Variants in CDIN1 observed in about 807,000 individuals in gnomAD.
CDIN1 encodes CDAN1 interacting nuclease 1.
Under a neutral mutation model 45.3 loss-of-function variants are expected in CDIN1, and 33 were observed. The observed-to-expected ratio is 0.73, with a 90% CI of 0.55 to 0.97. The LOEUF (loss-of-function observed/expected upper bound fraction) is 0.97. CDIN1 is among the 50% of genes least tolerant of loss of function. The pLI is 0.00. For missense variants in CDIN1, 303 were observed against 339.4 expected (o/e 0.89, Z 0.84); for synonymous variants, 118 against 124.4 (o/e 0.95, Z 0.34).
At chr15:36,695,456 A>G (rs967954824) in intron 7 of CDIN1, among the ~76,000 whole-genome samples, 6 of 152,096 alleles carry the variant, frequency 3.9e-5, no homozygotes, top group Admixed American at 1.3e-4. Context: ...AATACACAGC[A>G]CTTCCATGTT....
At chr15:36,721,890 A>C (rs898410158) in intron 10 of CDIN1, among the ~76,000 whole-genome samples, 2 of 151,640 alleles carry the variant, frequency 1.3e-5, no homozygotes, top group African/African-American at 4.8e-5. Context: ...ACAATTCCTC[A>C]ACTCAGGGAG....
intron 1 of CDIN1, among the ~76,000 whole-genome samples, chr15:36,640,146 T>G (rs567913270): frequency 2.0e-5 from 3 of 152,290 alleles, no homozygotes; most frequent in South Asian, 4.1e-4. Context: ...TGTAGTAGTA[T>G]TATATCAAAG....
intron 8 of CDIN1, among the ~76,000 whole-genome samples, chr15:36,701,024 C>A (rs1267240790): frequency 6.6e-6 from 1 of 151,918 alleles, no homozygotes; most frequent in Non-Finnish European, 1.5e-5. Flanking sequence ...GAACTGTGGT[C>A]ATTCCACTGC....
chr15:36,788,687 A>G (rs1185497789), intron 10 of CDIN1, among the ~76,000 whole-genome samples: 1 of 138,762 alleles, frequency 7.2e-6, no homozygotes, highest in Non-Finnish European at 1.6e-5. Context: ...CTTAGCAATT[A>G]TATCAAATTT....
At position 36,736,067 on chromosome 15, in the gene CDIN1, T is replaced by C. The variant is rs559490056; in HGVS notation, c.716+26106T>C. On this transcript the variant is annotated intron_variant, in intron 10 of 10. Transcript: ENST00000566621. Reference sequence around the variant, plus strand: ...TAACTTTTCTAAGAAAACAATTTTATTTGGTTACTCCTAAACAGTTTCTAT... The same window carrying C: ...TAACTTTTCTAAGAAAACAATTTTACTTGGTTACTCCTAAACAGTTTCTAT... Among the ~76,000 whole-genome samples, 182 of 152,320 alleles carry C rather than the reference T, an allele frequency of 1.2e-3. 2 individuals are homozygous for C. The highest frequency in any genetic ancestry group is 4.0e-3 in the African/African-American group (168 of 41,582).
At chr15:36,806,287 C>T (rs897899315) in intron 10 of CDIN1, among the ~76,000 whole-genome samples, 4 of 152,282 alleles carry the variant, frequency 2.6e-5, no homozygotes, top group South Asian at 2.1e-4. Context: ...ATGCCATTTT[C>T]GTAAAGAGCT....
At chr15:36,603,554 G>A (rs1357532849) in intron 1 of CDIN1, among the ~76,000 whole-genome samples, 1 of 151,990 alleles carries the variant, frequency 6.6e-6, no homozygotes, top group Non-Finnish European at 1.5e-5. Context: ...ACTTCTTTAG[G>A]CCTCTATTTG....
intron 7 of CDIN1, among the ~76,000 whole-genome samples, chr15:36,695,206 A>T (rs1376509890): frequency 2.7e-5 from 4 of 150,744 alleles, no homozygotes; most frequent in Non-Finnish European, 4.4e-5. Flanking sequence ...TTCTCTAGGA[A>T]TTTTTTTTTT....
chr15:36,653,649 T>A (rs2040662633), intron 3 of CDIN1, among the ~76,000 whole-genome samples: 1 of 152,156 alleles, frequency 6.6e-6, no homozygotes, highest in Admixed American at 6.5e-5. Flanking sequence ...ATGACATGTC[T>A]GTTCCATCGT....
intron 1 of CDIN1, among the ~76,000 whole-genome samples, chr15:36,607,586 C>T (rs577768464): frequency 6.6e-6 from 1 of 152,062 alleles, no homozygotes; most frequent in South Asian, 2.1e-4. Context: ...TCTTTCCCTC[C>T]CTCCCTTCCT....
chr15:36,717,583 C>G (rs1240999474), intron 10 of CDIN1, among the ~76,000 whole-genome samples: 1 of 151,984 alleles, frequency 6.6e-6, no homozygotes, highest in Non-Finnish European at 1.5e-5. Flanking sequence ...GGACATTGGG[C>G]TTATTTTTAG....
At chr15:36,636,425 G>A (rs768216772) in intron 1 of CDIN1, among the ~76,000 whole-genome samples, 4 of 152,094 alleles carry the variant, frequency 2.6e-5, no homozygotes, top group Admixed American at 6.6e-5. Context: ...GGTGGCAGGC[G>A]CCTGTAGTCC....
intron 8 of CDIN1, among the ~76,000 whole-genome samples, chr15:36,703,398 TATATGATATACATATATATCA>T (rs1238618844): frequency 3.7e-5 from 1 of 26,756 alleles, no homozygotes; most frequent in Admixed American, 6.2e-4. Context: ...GATATATATA[TATATGATATACATATATATCA>T]GATATATATA....
At chr15:36,635,411 A>ATATGG (rs1429565289) in intron 1 of CDIN1, among the ~76,000 whole-genome samples, 1 of 152,206 alleles carries the variant, frequency 6.6e-6, no homozygotes, top group African/African-American at 2.4e-5. Flanking sequence ...TAGATTGAAA[A>ATATGG]TATGGTATTT....
intron 8 of CDIN1, among the ~76,000 whole-genome samples, chr15:36,700,817 C>T (rs1254967123): frequency 2.6e-5 from 4 of 151,526 alleles, no homozygotes; most frequent in South Asian, 2.1e-4. Context: ...ATTTTTTGGC[C>T]GTATCTCAGT....
At chr15:36,640,721 C>A in intron 1 of CDIN1, 1 of 821,758 alleles carries the variant, frequency 1.2e-6, no homozygotes, top group Non-Finnish European at 1.5e-6. Context: ...ATGAATGTTG[C>A]ATTGCAATTA....
chr15:36,594,598 T>C (rs2037729102), intron 1 of CDIN1, among the ~76,000 whole-genome samples: 1 of 152,142 alleles, frequency 6.6e-6, no homozygotes, highest in Non-Finnish European at 1.5e-5. Context: ...CATGAAAAAT[T>C]TGATGCATGG....
At chr15:36,613,903 G>T in intron 1 of CDIN1, 1 of 1,553,692 alleles carries the variant, frequency 6.4e-7, no homozygotes, top group Non-Finnish European at 8.8e-7. Context: ...AACGCACAGA[G>T]AATGAGCTGA....
rs35789630 is a variant in CDIN1, at chr15:36,682,599, C to CAA, written c.347-9074_347-9073dup. ...GACCTCATGGAGAATCCTGTCTCTA[C>CAA]AAAAAAAAAAAAACAAAAATTAGCT... On this transcript the variant is annotated intron_variant, in intron 5 of 10. Coordinates refer to ENST00000566621, the MANE Select transcript of CDIN1 (RefSeq NM_001321759.2). Among the ~76,000 whole-genome samples, 70 of 116,852 alleles carry CAA rather than the reference C, an allele frequency of 6.0e-4. 1 individual carries two copies. The highest frequency in any genetic ancestry group is 5.7e-3 in the South Asian group (21 of 3,680). 76.7% of individuals were successfully genotyped at this position (116,852 alleles called of 152,430 possible). A position where few individuals can be genotyped will look rare whatever the true frequency, so the allele number is the denominator to read the frequency against.
Sources: gnomAD v4.1 joint callset for allele counts (sites outside exome capture counted in the v4.1 genomes callset) on GRCh38, gnomAD v4.1.1 for gene constraint, MANE v1.5 for transcripts, NCBI Gene and HGNC (gene_info 2026-07-23, HGNC 2026-07-21) for gene names.